SRGAP2C: variants seen among roughly 807,000 people sequenced by gnomAD.
SRGAP2C encodes the protein SLIT-ROBO Rho GTPase activating protein 2C.
A neutral mutation model predicts 25.1 loss-of-function variants in SRGAP2C; 15 were observed. The ratio of observed to expected loss-of-function variants is 0.60; its 90% CI spans 0.40 to 0.92. The LOEUF (loss-of-function observed/expected upper bound fraction) is 0.92, where lower values mean the gene tolerates loss of function less well. SRGAP2C is among the 40% of genes least tolerant of loss of function. The probability of loss-of-function intolerance (pLI) is 0.00; values close to 1 mark genes in which losing one functional copy is unlikely to be tolerated. For missense variants in SRGAP2C, 144 were observed against 264.4 expected (o/e 0.54, Z 3.16); for synonymous variants, 44 against 96.6 (o/e 0.46, Z 3.19).
intron 2 of SRGAP2C, among the ~76,000 whole-genome samples, chr1:121,208,768 A>G (rs1185825597): frequency 6.6e-5 from 10 of 152,128 alleles, no homozygotes; most frequent in African/African-American, 2.4e-4. Flanking sequence ...ATAAATGTGT[A>G]TTGGATGAAT....
chr1:121,269,995 A>G (rs1362643864), intron 2 of SRGAP2C, among the ~76,000 whole-genome samples: 2 of 150,606 alleles, frequency 1.3e-5, no homozygotes, highest in Non-Finnish European at 3.0e-5. Context: ...TAACATTTAC[A>G]TTCCAACTTG....
intron 2 of SRGAP2C, among the ~76,000 whole-genome samples, chr1:121,191,599 T>G (rs1251501070): frequency 6.7e-6 from 1 of 150,152 alleles, no homozygotes; most frequent in Non-Finnish European, 1.5e-5. Flanking sequence ...AGCTTGTTGC[T>G]GGGATTGGAG....
intron 3 of SRGAP2C, among the ~76,000 whole-genome samples, chr1:121,309,486 A>T (rs1275639882): frequency 6.9e-6 from 1 of 144,348 alleles, no homozygotes; most frequent in African/African-American, 2.6e-5. Flanking sequence ...GGTTAGTTAC[A>T]TATGTATACA....
rs1298203087 is a variant in SRGAP2C at position 121,365,567 on chromosome 1, C to T, written c.486+212C>T. Among the ~76,000 whole-genome samples, 2 of 90,036 alleles carry T rather than the reference C, an allele frequency of 2.2e-5. 1 individual carries two copies. Among genetic ancestry groups the T allele is most frequent in the Non-Finnish European group, 4.7e-5 (2 of 42,522 alleles). 59.1% of individuals were successfully genotyped at this position (90,036 alleles called of 152,430 possible). The stretch of plus-strand genomic sequence containing the variant: ...ATACTTCCTCAAAATAAGTTTTCTC[C>T]TCAGCTATGCAAGCTCACCCTGGCT... On this transcript the variant is annotated intron_variant, in intron 5 of 9. Coordinates refer to ENST00000367123, the MANE Select transcript of SRGAP2C (RefSeq NM_001329984.2).
At chr1:121,295,834 T>A (rs1378686742) in intron 3 of SRGAP2C, among the ~76,000 whole-genome samples, 2 of 152,022 alleles carry the variant, frequency 1.3e-5, no homozygotes, top group African/African-American at 4.8e-5. Context: ...CGATCTCAGC[T>A]CACTGCATCC....
At chr1:121,202,082 C>A (rs1654998580) in intron 2 of SRGAP2C, among the ~76,000 whole-genome samples, 1 of 152,190 alleles carries the variant, frequency 6.6e-6, no homozygotes, top group Non-Finnish European at 1.5e-5. Flanking sequence ...ATACCGCAGC[C>A]CACCTTCCCA....
intron 4 of SRGAP2C, among the ~76,000 whole-genome samples, chr1:121,346,771 C>T (rs2101628861): frequency 6.6e-6 from 1 of 151,944 alleles, no homozygotes; most frequent in South Asian, 2.1e-4. Context: ...ATTAAACTGG[C>T]AGGCAGATGA....
At chr1:121,315,244 C>T (rs1553340495) in intron 3 of SRGAP2C, among the ~76,000 whole-genome samples, 110 of 152,180 alleles carry the variant, frequency 7.2e-4, no homozygotes, top group African/African-American at 2.4e-3. Context: ...CCTGGGCTCA[C>T]GCGATCTTCC....
chr1:121,282,576 A>G (rs1350088074), intron 2 of SRGAP2C, among the ~76,000 whole-genome samples: 7 of 151,738 alleles, frequency 4.6e-5, no homozygotes, highest in Non-Finnish European at 1.0e-4. Context: ...TTTGTTTGAG[A>G]CGGAGTCTCG....
intron 4 of SRGAP2C, among the ~76,000 whole-genome samples, chr1:121,335,390 A>G (rs1658491894): frequency 7.0e-6 from 1 of 142,496 alleles, no homozygotes; most frequent in Non-Finnish European, 1.5e-5. Context: ...AAATAAATAA[A>G]ACAACCAATT....
intron 3 of SRGAP2C, among the ~76,000 whole-genome samples, chr1:121,285,422 A>ACACACACACT (rs1244181561): frequency 1.4e-5 from 2 of 144,944 alleles, no homozygotes; most frequent in East Asian, 2.9e-4. Context: ...ACACACACAC[A>ACACACACACT]CACTCACACT....
At chr1:121,216,214 G>T (rs1181132027) in intron 2 of SRGAP2C, among the ~76,000 whole-genome samples, 1 of 152,004 alleles carries the variant, frequency 6.6e-6, no homozygotes, top group Non-Finnish European at 1.5e-5. Flanking sequence ...TATATCTGAA[G>T]TGTTTGTACA....
At chr1:121,360,762 C>T (rs1456731694) in intron 4 of SRGAP2C, 1 of 122,524 alleles carries the variant, frequency 8.2e-6, no homozygotes, top group African/African-American at 3.1e-5. Flanking sequence ...AAACCACCAC[C>T]TTATGTATGG....
At position 121,279,578 on chromosome 1, in the gene SRGAP2C, C is replaced by CTG. The variant is rs1657195540; in HGVS notation, c.68-5225_68-5224insTG. Among the ~76,000 whole-genome samples, 2 of 151,544 alleles carry CTG rather than the reference C, an allele frequency of 1.3e-5. 1 individual carries two copies. Among genetic ancestry groups the CTG allele is most frequent in the African/African-American group, 4.8e-5 (2 of 41,282 alleles). On this transcript the variant is annotated intron_variant, in intron 2 of 9. Coordinates refer to ENST00000367123, the MANE Select transcript of SRGAP2C (RefSeq NM_001329984.2). ...TCTGCCAGTTGCATGCTTATTGAGA[C>CTG]CCTTCAGCATCTTTCTAAAAAGGAA...
chr1:121,234,816 C>T (rs1298012486), intron 2 of SRGAP2C, among the ~76,000 whole-genome samples: 10 of 149,090 alleles, frequency 6.7e-5, no homozygotes, highest in South Asian at 2.1e-4. Context: ...GCCCCTCTTG[C>T]CCTCTTGCTC....
At chr1:121,223,084 G>C (rs1266307478) in intron 2 of SRGAP2C, among the ~76,000 whole-genome samples, 1 of 151,840 alleles carries the variant, frequency 6.6e-6, no homozygotes, top group Non-Finnish European at 1.5e-5. Flanking sequence ...ATGGTGCTTG[G>C]GTCAGTGTCT....
chr1:121,189,763 G>A (rs1433854560), intron 2 of SRGAP2C, among the ~76,000 whole-genome samples: 2 of 102,558 alleles, frequency 2.0e-5, no homozygotes, highest in Non-Finnish European at 2.0e-5. Flanking sequence ...AATAATAATA[G>A]TAATAATGAT....
chr1:121,230,827 C>T (rs1553327418), intron 2 of SRGAP2C, among the ~76,000 whole-genome samples: 1 of 152,122 alleles, frequency 6.6e-6, no homozygotes, highest in African/African-American at 2.4e-5. Flanking sequence ...AAATATGGCA[C>T]ATAAACACCA....
rs1269063808 is a variant in SRGAP2C, at chr1:121,271,184, T to C, written c.68-13619T>C. ...TCTAGTCTGTTTATAATCTTTTTACTAAATATATAACAACATTGCCTTGTG... is the reference window on the plus strand; with the variant it reads ...TCTAGTCTGTTTATAATCTTTTTACCAAATATATAACAACATTGCCTTGTG... On this transcript the variant is annotated intron_variant, in intron 2 of 9. Transcript: ENST00000367123. Among the ~76,000 whole-genome samples, 12 of 150,068 alleles carry C rather than the reference T, an allele frequency of 8.0e-5. 1 individual carries two copies. The highest frequency in any genetic ancestry group is 1.5e-4 in the Non-Finnish European group (10 of 67,310).
Sources: allele counts gnomAD v4.1 joint callset (sites outside exome capture counted in the v4.1 genomes callset), GRCh38; gene constraint gnomAD v4.1.1; transcripts MANE v1.5; gene names NCBI Gene and HGNC (gene_info 2026-07-23, HGNC 2026-07-21).